The following GNAL variants were observed in gnomAD, a reference collection of about 807,000 sequenced individuals.
GNAL encodes the protein G protein subunit alpha L.
A neutral mutation model predicts 55.1 loss-of-function variants in GNAL; 18 were observed. The observed-to-expected ratio is 0.33, with a 90% CI of 0.23 to 0.48. The LOEUF is 0.48. Among genes scored for constraint, GNAL ranks in the 20% least tolerant of loss-of-function variants. GNAL has a pLI of 0.99. For missense variants in GNAL, 412 were observed against 614.1 expected, an observed-to-expected ratio of 0.67 and a Z score of 3.48; for synonymous variants, 253 against 237.0, an observed-to-expected ratio of 1.07 and a Z score of -0.62.
chr18:11,854,812 G>T (rs1373298468), intron 5 of GNAL, among the ~76,000 whole-genome samples: 2 of 152,128 alleles, frequency 1.3e-5, no homozygotes, highest in Non-Finnish European at 2.9e-5. Context: ...TTCTGAGGTA[G>T]ATTTGGGTCA....
chr18:11,768,146 T>C (rs997239945), intron 4 of GNAL, among the ~76,000 whole-genome samples: 9 of 152,226 alleles, frequency 5.9e-5, no homozygotes, highest in Admixed American at 1.3e-4. Context: ...GGACAGGAAC[T>C]TGACATGGCA....
intron 4 of GNAL, among the ~76,000 whole-genome samples, chr18:11,778,918 A>G (rs1048406815): frequency 2.0e-5 from 3 of 152,002 alleles, no homozygotes; most frequent in African/African-American, 4.8e-5. Context: ...AAACGTTTCA[A>G]CTCTGAAGAC....
intron 1 of GNAL, among the ~76,000 whole-genome samples, chr18:11,694,668 A>G (rs2031354063): frequency 6.6e-6 from 1 of 152,172 alleles, no homozygotes; most frequent in Non-Finnish European, 1.5e-5. Context: ...TGCGGAGGGT[A>G]GGTAATGAGA....
rs1490817413 is a variant in GNAL at position 11,768,929 on chromosome 18, A to G, written c.624+14984A>G. Among the ~76,000 whole-genome samples, 246 of 131,396 alleles carry G rather than the reference A, an allele frequency of 1.9e-3. 8 individuals are homozygous for G. Among genetic ancestry groups the G allele is most frequent in the African/African-American group, 6.3e-3 (227 of 35,840 alleles). 86.2% of individuals were successfully genotyped at this position (131,396 alleles called of 152,430 possible). A position where few individuals can be genotyped will look rare whatever the true frequency, so the allele number is the denominator to read the frequency against. On this transcript the variant is annotated intron_variant, in intron 4 of 11. Transcript: ENST00000334049. ...AAAAATATATATATAACATATTATT[A>G]TATATATTATATATATTACTATATG...
chr18:11,726,837 A>G (rs1031770967), intron 1 of GNAL, among the ~76,000 whole-genome samples: 52 of 152,230 alleles, frequency 3.4e-4, no homozygotes, highest in African/African-American at 1.2e-3. Flanking sequence ...GTTTTAAAAT[A>G]ATCAAAATGA....
In GNAL at chr18:11,881,233, T is replaced by G. The variant is rs1467697917; in HGVS notation, c.*98T>G. ...GGCAGAGTCTCTAGTTCCATCTCGC[T>G]GCCGTCTGTCCCGTTCTGTGTCGAC... On this transcript the variant is annotated 3_prime_UTR_variant, in exon 12 of 12. Coordinates refer to ENST00000334049, the MANE Select transcript of GNAL (RefSeq NM_182978.4). This position sits in a 1 kb window ranked among gnomAD's most constrained non-coding sequence, Gnocchi z 4.8. 1.7e-5 allele frequency: 21 copies of G among 1,240,456 alleles called. No homozygotes were observed. The highest frequency in any genetic ancestry group is 2.2e-5 in the Non-Finnish European group (20 of 895,548). The allele number at this position is 1,240,456 out of a possible 1,614,324, so 76.8% of individuals were successfully genotyped here.
chr18:11,765,998 G>A (rs1259036459), intron 4 of GNAL, among the ~76,000 whole-genome samples: 2 of 152,098 alleles, frequency 1.3e-5, no homozygotes, highest in South Asian at 2.1e-4. Flanking sequence ...TGTTCTTATC[G>A]TTGCTAGTTT....
At chr18:11,800,596 G>A (rs2034497972) in intron 4 of GNAL, among the ~76,000 whole-genome samples, 1 of 152,170 alleles carries the variant, frequency 6.6e-6, no homozygotes, top group Non-Finnish European at 1.5e-5. Flanking sequence ...TTGGTAGGAT[G>A]TCCCTGAGGC....
chr18:11,790,348 G>C (rs1281777112), intron 4 of GNAL, among the ~76,000 whole-genome samples: 1 of 151,906 alleles, frequency 6.6e-6, no homozygotes, highest in Non-Finnish European at 1.5e-5. Flanking sequence ...AATTCTCCAG[G>C]GCGTTTGTCA....
chr18:11,743,640 A>G (rs902576299), intron 1 of GNAL, among the ~76,000 whole-genome samples: 17 of 152,292 alleles, frequency 1.1e-4, no homozygotes, highest in Admixed American at 7.2e-4. Context: ...AGCTTTTTAG[A>G]CTGGTTTTGA....
At chr18:11,852,148 A>G (rs2035888347) in intron 5 of GNAL, 1 of 1,523,948 alleles carries the variant, frequency 6.6e-7, no homozygotes, top group Non-Finnish European at 8.8e-7. Context: ...GGCCATAGCC[A>G]CCCTTTGAAA....
chr18:11,884,151 A>T lies in GNAL; in HGVS notation c.*3016A>T, dbSNP rs1425484535. ...CCTGGGGGAACAAGGACTGTCGTGC[A>T]TGTGAGTGACGACATTAATAGCATT... On this transcript the variant is annotated 3_prime_UTR_variant, in exon 12 of 12. Transcript: ENST00000334049. 3.4e-6 allele frequency: 1 copy of T among 295,260 alleles called. No homozygotes were observed. The highest frequency in any genetic ancestry group is 1.1e-3 in the Middle Eastern group (1 of 872). 18.3% of individuals were successfully genotyped at this position (295,260 alleles called of 1,614,324 possible).
At chr18:11,871,344 C>CA (rs2036393492) in intron 9 of GNAL, among the ~76,000 whole-genome samples, 1 of 151,734 alleles carries the variant, frequency 6.6e-6, no homozygotes, top group Non-Finnish European at 1.5e-5. Context: ...TCCACCTCCC[C>CA]AGTTCAAGCG....
rs1423975462 is a variant in GNAL at position 11,751,113 on chromosome 18, G to A, written c.377-1740G>A. ...GAGCTGAGCAAAGGCAAGTTAGACA[G>A]CGCAGCGCCAAGCCCGAGACGGTCA... On this transcript the variant is annotated intron_variant, in intron 1 of 11. Transcript: ENST00000334049. This position sits in a 1 kb window ranked among gnomAD's most constrained non-coding sequence, Gnocchi z 4.5. Among the ~76,000 whole-genome samples the A allele has an allele frequency of 6.6e-6, 1 of 152,150 alleles. No individual in the cohort carries two copies. The highest frequency in any genetic ancestry group is 6.5e-5 in the Admixed American group (1 of 15,278).
chr18:11,847,787 GT>G (rs2035772166), intron 5 of GNAL, among the ~76,000 whole-genome samples: 1 of 152,074 alleles, frequency 6.6e-6, no homozygotes, highest in African/African-American at 2.4e-5. Context: ...AATTAGCATG[GT>G]TGTAGGACCA....
rs1046793623 is a variant in GNAL at position 11,689,756 on chromosome 18, C to G, written c.193C>G (p.Arg65Gly). 3 of 1,511,324 alleles carry G rather than the reference C, an allele frequency of 2.0e-6. No homozygotes were observed. The African/African-American group carries it at 4.3e-5, about 22-fold the overall frequency. The allele number at this position is 1,511,324 out of a possible 1,614,324, so 93.6% of individuals were successfully genotyped here. ...RGGEGSPACA[R>G]PKADKPKEKR... ...CGGCGAAGGGAGCCCGGCATGCGCTCGGCCCAAAGCAGACAAGCCGAAGGA... is the reference window on the plus strand; with the variant it reads ...CGGCGAAGGGAGCCCGGCATGCGCTGGGCCCAAAGCAGACAAGCCGAAGGA... The change falls in exon 1 of 12, where the codon CGG (arginine) becomes GGG (glycine). Residue 65 changes from arginine (R) to glycine (G), a missense_variant. Around this residue, in one of 5 missense-constraint regions of GNAL, gnomAD observed 228 missense variants for 194.8 expected, o/e 1.17. Transcript: ENST00000334049.
intron 4 of GNAL, among the ~76,000 whole-genome samples, chr18:11,757,875 G>A (rs995420151): frequency 7.2e-5 from 11 of 152,020 alleles, no homozygotes; most frequent in African/African-American, 1.5e-4. Context: ...CGGCTTCAAG[G>A]TCACCGGTGA....
chr18:11,689,995 G>A (rs2031187135), intron 1 of GNAL, 56 bp downstream of exon 1: 1 of 1,035,912 alleles, frequency 9.7e-7, no homozygotes, highest in Non-Finnish European at 1.2e-6. Context: ...CCGGGCCCGC[G>A]GGGGCGGCGG....
chr18:11,861,286 C>G (rs1333153201), intron 5 of GNAL, among the ~76,000 whole-genome samples: 1 of 152,084 alleles, frequency 6.6e-6, no homozygotes, highest in African/African-American at 2.4e-5. Context: ...TCTAGGGTCC[C>G]TGCTGCCCCT....
Sources: gnomAD v4.1 joint callset for allele counts (sites outside exome capture counted in the v4.1 genomes callset) on GRCh38, gnomAD v4.1.1 for gene constraint, gnomAD v4.1.1 regional missense constraint, Gnocchi (gnomAD v3.1) non-coding constraint, MANE v1.5 for transcripts, NCBI Gene and HGNC (gene_info 2026-07-23, HGNC 2026-07-21) for gene names.